CNNM2: variants seen among roughly 807,000 people sequenced by gnomAD.
CNNM2 encodes cyclin and CBS domain divalent metal cation transport mediator 2.
CNNM2 carries 12 observed loss-of-function variants against 66.9 expected under a neutral mutation model. The observed-to-expected ratio is 0.18, with a 90% CI of 0.11 to 0.29. The LOEUF is 0.29. CNNM2 is among the 10% of genes least tolerant of loss of function. CNNM2 has a pLI of 1.00. For synonymous variants in CNNM2, 557 were observed against 501.8 expected (o/e 1.11, Z -1.47); for missense variants, 705 against 1,167.7 (o/e 0.60, Z 5.77).
intron 1 of CNNM2, among the ~76,000 whole-genome samples, chr10:103,024,647 T>G (rs1256758856): frequency 6.6e-6 from 1 of 151,906 alleles, no homozygotes; most frequent in Non-Finnish European, 1.5e-5. Context: ...CCTGGCTAGT[T>G]TTTTGTATTT....
In CNNM2 at chr10:103,085,312, CCA is replaced by C. The variant is rs2065794336; in HGVS notation, c.*8138_*8139del. ...CAAAAAGTGACTTGTTTAAAGATAC[CCA>C]CACACTCAAGTCAAAGATAACTCTG... On this transcript the variant is annotated 3_prime_UTR_variant, in exon 8 of 8. Transcript: ENST00000369878. 6 of 152,232 alleles carry C rather than the reference CCA, an allele frequency of 3.9e-5. 1 individual carries two copies. The highest frequency in any genetic ancestry group is 1.4e-4 in the African/African-American group (6 of 41,536). The allele number at this position is 152,232 out of a possible 1,614,324, so 9.4% of individuals were successfully genotyped here.
At chr10:103,025,997 G>A (rs1418395486) in intron 1 of CNNM2, among the ~76,000 whole-genome samples, 1 of 152,228 alleles carries the variant, frequency 6.6e-6, no homozygotes, top group African/African-American at 2.4e-5. Context: ...GTGTCATTAT[G>A]TAGTTAGGTT....
At chr10:102,947,059 G>T (rs1309816573) in intron 1 of CNNM2, among the ~76,000 whole-genome samples, 1 of 152,000 alleles carries the variant, frequency 6.6e-6, no homozygotes, top group Non-Finnish European at 1.5e-5. Context: ...TTGAAGAACT[G>T]ATTTTTTTTC....
At chr10:103,008,168 A>T (rs925331113) in intron 1 of CNNM2, among the ~76,000 whole-genome samples, 1 of 151,422 alleles carries the variant, frequency 6.6e-6, no homozygotes, top group African/African-American at 2.4e-5. Context: ...ACCAGTTTCC[A>T]TGTTTGATTC....
At chr10:103,008,502 G>C (rs141395623) in intron 1 of CNNM2, among the ~76,000 whole-genome samples, 2 of 150,932 alleles carry the variant, frequency 1.3e-5, no homozygotes, top group Non-Finnish European at 2.9e-5. Flanking sequence ...ACTTTTGGCC[G>C]GGGTGGTGCC....
intron 1 of CNNM2, among the ~76,000 whole-genome samples, chr10:102,939,121 C>T (rs900418767): frequency 5.3e-5 from 8 of 152,150 alleles, no homozygotes; most frequent in Non-Finnish European, 1.0e-4. Context: ...TTGCCTTTTT[C>T]AGACATGGTG....
chr10:102,918,413 C>A lies in CNNM2; in HGVS notation c.-68C>A. ...GCGGACGCTCCGTTGCAGTCTCGCC[C>A]AGGGGCCGGTACCTGCGCTCGCGCC... On this transcript the variant is annotated 5_prime_UTR_variant, in exon 1 of 8. Transcript: ENST00000369878. This position sits in a 1 kb window ranked among gnomAD's most constrained non-coding sequence, Gnocchi z 4.1. The A allele has an allele frequency of 6.4e-7, 1 of 1,554,182 alleles. No homozygotes were observed. Among genetic ancestry groups the A allele is most frequent in the East Asian group, 2.4e-5 (1 of 42,204 alleles).
chr10:102,924,068 T>G (rs1205856478), intron 1 of CNNM2, among the ~76,000 whole-genome samples: 1 of 152,274 alleles, frequency 6.6e-6, no homozygotes, highest in East Asian at 1.9e-4. Flanking sequence ...TTGTGTGTGT[T>G]AGTTTTGTAG....
chr10:102,942,470 A>C (rs1846466387), intron 1 of CNNM2, among the ~76,000 whole-genome samples: 2 of 152,214 alleles, frequency 1.3e-5, no homozygotes, highest in Non-Finnish European at 2.9e-5. Context: ...CTCAAGGTTC[A>C]TCCATGTTGT....
At chr10:103,060,954 G>A (rs899124698) in intron 4 of CNNM2, among the ~76,000 whole-genome samples, 1 of 152,064 alleles carries the variant, frequency 6.6e-6, no homozygotes, top group African/African-American at 2.4e-5. Context: ...TACCATAAAA[G>A]TCTATTATTA....
chr10:102,971,637 G>A (rs144607793), intron 1 of CNNM2, among the ~76,000 whole-genome samples: 69 of 152,172 alleles, frequency 4.5e-4, no homozygotes, highest in African/African-American at 1.4e-3. Flanking sequence ...ACTTGGCCCA[G>A]GGTATGGTGG....
chr10:103,027,167 T>C (rs1448630146), intron 1 of CNNM2, among the ~76,000 whole-genome samples: 1 of 152,236 alleles, frequency 6.6e-6, no homozygotes, highest in Admixed American at 6.5e-5. Context: ...TTCAATTTAT[T>C]GTGTATTACA....
chr10:102,918,460 C>T lies in CNNM2; in HGVS notation c.-21C>T. ...CGCCGCCGGGTTGAAAGGATGAAGC[C>T]GCAGCTGGAGCAGCCACCCTATGAT... On this transcript the variant is annotated 5_prime_UTR_variant, in exon 1 of 8. Transcript: ENST00000369878. The surrounding 1 kb of genome is among the most constrained non-coding windows in gnomAD (Gnocchi z 4.1). 3 of 1,597,290 alleles carry T rather than the reference C, an allele frequency of 1.9e-6. No homozygotes were observed. Among genetic ancestry groups the T allele is most frequent in the South Asian group, 2.3e-5 (2 of 88,692 alleles).
At chr10:102,929,445 T>TAA (rs879417137) in intron 1 of CNNM2, among the ~76,000 whole-genome samples, 1 of 148,310 alleles carries the variant, frequency 6.7e-6, no homozygotes, top group Non-Finnish European at 1.5e-5. Context: ...CATGTCTTTT[T>TAA]TAAAAAAAAA....
chr10:102,919,396 G>C lies in CNNM2; in HGVS notation c.916G>C (p.Glu306Gln), dbSNP rs773159869. 1.2e-6 allele frequency: 2 copies of C among 1,611,606 alleles called. No individual in the cohort carries two copies. The highest frequency in any genetic ancestry group is 8.5e-7 in the Non-Finnish European group (1 of 1,180,036). Reference protein sequence around the residue: ...EKEKNYAKRIEPVRRQGNYLL... With the variant: ...EKEKNYAKRIQPVRRQGNYLL... The stretch of plus-strand genomic sequence containing the variant: ...GGAGAAGAATTACGCCAAGCGCATC[G>C]AGCCGGTGCGCAGGCAGGGCAACTA... The change falls in exon 1 of 8, where the codon GAG (glutamate) becomes CAG (glutamine). Residue 306 changes from glutamate to glutamine, a missense_variant. Glu to Gln is a conservative substitution (Grantham distance 29, BLOSUM62 2). This residue lies in a region of CNNM2 where 49 missense variants were observed against 183.7 expected (regional missense o/e 0.27). Coordinates refer to ENST00000369878, the MANE Select transcript of CNNM2 (RefSeq NM_017649.5).
At chr10:102,945,983 G>T (rs1846605900) in intron 1 of CNNM2, among the ~76,000 whole-genome samples, 1 of 151,986 alleles carries the variant, frequency 6.6e-6, no homozygotes, top group South Asian at 2.1e-4. Flanking sequence ...TAAAGGCAGG[G>T]TTGAGACTCA....
intron 4 of CNNM2, among the ~76,000 whole-genome samples, chr10:103,063,595 T>G (rs1223524539): frequency 6.6e-6 from 1 of 152,138 alleles, no homozygotes; most frequent in Non-Finnish European, 1.5e-5. Flanking sequence ...ACTTAGAAAC[T>G]TTGAGAAGAG....
At chr10:103,014,230 T>C (rs1012566507) in intron 1 of CNNM2, among the ~76,000 whole-genome samples, 1 of 152,220 alleles carries the variant, frequency 6.6e-6, no homozygotes. Context: ...ATGTTAGGCA[T>C]GTAAAGACAA....
At chr10:102,975,435 A>G (rs971849241) in intron 1 of CNNM2, among the ~76,000 whole-genome samples, 5 of 140,448 alleles carry the variant, frequency 3.6e-5, no homozygotes, top group East Asian at 2.3e-4. Flanking sequence ...TGCTCTAGCA[A>G]GTTTACCTGA....
Sources: allele counts gnomAD v4.1 joint callset (sites outside exome capture counted in the v4.1 genomes callset), GRCh38; gene constraint gnomAD v4.1.1; regional missense constraint gnomAD v4.1.1; non-coding constraint Gnocchi (gnomAD v3.1); transcripts MANE v1.5; gene names NCBI Gene and HGNC (gene_info 2026-07-23, HGNC 2026-07-21).